Variants in TMEM132B observed in about 807,000 individuals in gnomAD.
The protein encoded by TMEM132B is transmembrane protein 132B.
TMEM132B carries 18 observed loss-of-function variants against 90.8 expected under a neutral mutation model. That is an observed-to-expected ratio of 0.20 (90% confidence interval 0.14 to 0.29). The LOEUF is 0.29. Among genes scored for constraint, TMEM132B ranks in the 10% least tolerant of loss-of-function variants. The pLI is 1.00. For missense variants in TMEM132B, 1,096 were observed against 1,326.8 expected (o/e 0.83, Z 2.70); for synonymous variants, 504 against 523.3 (o/e 0.96, Z 0.50).
At chr12:125,319,521 ACT>A (rs896649186) in intron 1 of TMEM132B, among the ~76,000 whole-genome samples, 1 of 152,002 alleles carries the variant, frequency 6.6e-6, no homozygotes, top group African/African-American at 2.4e-5. Context: ...CTGCAGACTA[ACT>A]CTGATCCATC....
chr12:125,612,844 T>C (rs1454296380), intron 5 of TMEM132B, among the ~76,000 whole-genome samples: 1 of 73,236 alleles, frequency 1.4e-5, no homozygotes, highest in African/African-American at 4.6e-5. Flanking sequence ...TTATATTATA[T>C]ATATATTTAT....
At position 125,406,257 on chromosome 12, in the gene TMEM132B, G is replaced by A. The variant is rs2136329899; in HGVS notation, c.960-9274G>A. On this transcript the variant is annotated intron_variant, in intron 2 of 8. Coordinates refer to ENST00000682704, the MANE Select transcript of TMEM132B (RefSeq NM_001366854.1). The surrounding 1 kb of genome is among the most constrained non-coding windows in gnomAD (Gnocchi z 8.3). The stretch of plus-strand genomic sequence containing the variant: ...TTCCCTGGTCATACCCACACAATTT[G>A]CCTGTCTAGTGATGCTCATCAAGTT... 6.6e-6 allele frequency among the ~76,000 whole-genome samples: 1 copy of A among 152,294 alleles called. No homozygotes were observed. The highest frequency in any genetic ancestry group is 1.5e-5 in the Non-Finnish European group (1 of 68,024).
At chr12:125,340,348 A>G (rs1028259543) in intron 1 of TMEM132B, among the ~76,000 whole-genome samples, 1 of 152,156 alleles carries the variant, frequency 6.6e-6, no homozygotes, top group Non-Finnish European at 1.5e-5. Flanking sequence ...CTAATTTTCA[A>G]CTTTATCAGA....
At chr12:125,272,306 C>T (rs1382369551) in intron 1 of TMEM132B, among the ~76,000 whole-genome samples, 1 of 152,160 alleles carries the variant, frequency 6.6e-6, no homozygotes, top group East Asian at 1.9e-4. Context: ...TGCAGAAAAG[C>T]CCTTGGGATA....
At chr12:125,397,141 T>G (rs1429553448) in intron 2 of TMEM132B, among the ~76,000 whole-genome samples, 1 of 152,062 alleles carries the variant, frequency 6.6e-6, no homozygotes, top group African/African-American at 2.4e-5. Context: ...CCGGCTAATT[T>G]TTTTGTATTT....
chr12:125,505,555 T>G (rs934860055), intron 3 of TMEM132B, among the ~76,000 whole-genome samples: 5 of 151,806 alleles, frequency 3.3e-5, no homozygotes, highest in Non-Finnish European at 7.4e-5. Flanking sequence ...AAAAATTAGC[T>G]GGGCCTGGTG....
intron 3 of TMEM132B, among the ~76,000 whole-genome samples, chr12:125,451,809 G>A (rs1881159115): frequency 6.6e-6 from 1 of 152,210 alleles, no homozygotes; most frequent in Non-Finnish European, 1.5e-5. Flanking sequence ...TGAATAGTTA[G>A]TTTACTTTTG....
At chr12:125,617,801 G>T (rs1437834618) in intron 5 of TMEM132B, among the ~76,000 whole-genome samples, 1 of 152,070 alleles carries the variant, frequency 6.6e-6, no homozygotes, top group Non-Finnish European at 1.5e-5. Flanking sequence ...TTAAATTCAG[G>T]CCTCTTTGAG....
intron 3 of TMEM132B, among the ~76,000 whole-genome samples, chr12:125,441,604 C>A (rs551049660): frequency 1.1e-3 from 161 of 152,316 alleles, no homozygotes; most frequent in African/African-American, 3.5e-3. Context: ...CCTTAGGTCC[C>A]TCCCACCCTA....
intron 5 of TMEM132B, among the ~76,000 whole-genome samples, chr12:125,608,313 A>G (rs763163873): frequency 3.3e-5 from 5 of 152,152 alleles, no homozygotes; most frequent in African/African-American, 4.8e-5. Context: ...TGTAATTTTG[A>G]CTTGTATTTC....
chr12:125,219,163 A>G lies in TMEM132B; in HGVS notation c.67+32297A>G, dbSNP rs1410526162. 2.0e-5 allele frequency among the ~76,000 whole-genome samples: 3 copies of G among 152,052 alleles called. No individual in the cohort carries two copies. In the East Asian group the frequency reaches 5.8e-4, roughly 29 times the overall value. ...ATAAGTTGCACTTTTTTCCCCTTAA[A>G]TGTATAGCCATGATGGCGAGGTTTC... On this transcript the variant is annotated intron_variant, in intron 1 of 8. Coordinates refer to ENST00000682704, the MANE Select transcript of TMEM132B (RefSeq NM_001366854.1).
chr12:125,326,319 T>G (rs1876561805), intron 1 of TMEM132B, among the ~76,000 whole-genome samples: 1 of 152,174 alleles, frequency 6.6e-6, no homozygotes, highest in South Asian at 2.1e-4. Flanking sequence ...TGTGATCTAT[T>G]GATTGCTTTT....
At chr12:125,398,934 C>G (rs1463313373) in intron 2 of TMEM132B, among the ~76,000 whole-genome samples, 1 of 152,194 alleles carries the variant, frequency 6.6e-6, no homozygotes, top group Non-Finnish European at 1.5e-5. Context: ...CTGCTTCAAG[C>G]TGATTCAGTT....
At chr12:125,253,384 G>A (rs1284070423) in intron 1 of TMEM132B, among the ~76,000 whole-genome samples, 1 of 151,530 alleles carries the variant, frequency 6.6e-6, no homozygotes, top group Non-Finnish European at 1.5e-5. Context: ...TGAGCACAGT[G>A]CTGAGAACAT....
intron 1 of TMEM132B, among the ~76,000 whole-genome samples, chr12:125,300,494 T>C (rs1565996580): frequency 6.6e-6 from 1 of 152,090 alleles, no homozygotes; most frequent in Non-Finnish European, 1.5e-5. Flanking sequence ...TCTGCCTACA[T>C]CCAGAGATCA....
At chr12:125,314,081 C>A (rs572145046) in intron 1 of TMEM132B, among the ~76,000 whole-genome samples, 1 of 152,080 alleles carries the variant, frequency 6.6e-6, no homozygotes, top group Admixed American at 6.5e-5. Context: ...CCTGCCTGGG[C>A]GGCGTGCGAA....
At chr12:125,334,499 G>A (rs1332779624) in intron 1 of TMEM132B, among the ~76,000 whole-genome samples, 1 of 152,244 alleles carries the variant, frequency 6.6e-6, no homozygotes, top group Non-Finnish European at 1.5e-5. Flanking sequence ...GAGTAATAAA[G>A]GACCTGACAG....
chr12:125,326,423 C>T (rs987915851), intron 1 of TMEM132B: 1 of 643,464 alleles, frequency 1.6e-6, no homozygotes, highest in African/African-American at 1.8e-5. Context: ...CACTTGCCCT[C>T]CTTGTTGACC....
At chr12:125,518,742 C>T (rs1443377747) in intron 3 of TMEM132B, among the ~76,000 whole-genome samples, 2 of 152,236 alleles carry the variant, frequency 1.3e-5, no homozygotes, top group African/African-American at 4.8e-5. Flanking sequence ...GCCCCCCCAC[C>T]TGCAAACACA....
Sources: allele counts gnomAD v4.1 joint callset (sites outside exome capture counted in the v4.1 genomes callset), GRCh38; gene constraint gnomAD v4.1.1; non-coding constraint Gnocchi (gnomAD v3.1); transcripts MANE v1.5; gene names NCBI Gene and HGNC (gene_info 2026-07-23, HGNC 2026-07-21).